The following FAM185A variants were observed in gnomAD, a reference collection of about 807,000 sequenced individuals.
FAM185A encodes protein FAM185A.
In FAM185A, 21 loss-of-function variants were observed where a neutral mutation model predicts 45.7. The ratio of observed to expected loss-of-function variants is 0.46; its 90% CI spans 0.33 to 0.66. The LOEUF (loss-of-function observed/expected upper bound fraction) is 0.66. FAM185A is among the 30% of genes least tolerant of loss of function. The probability of loss-of-function intolerance (pLI) is 0.03; values close to 1 mark genes in which losing one functional copy is unlikely to be tolerated. For missense variants in FAM185A, 305 were observed against 485.4 expected (o/e 0.63, Z 3.49); for synonymous variants, 117 against 194.0 (o/e 0.60, Z 3.30).
chr7:102,828,988 C>T, the FAM185A span, among the ~76,000 whole-genome samples: 3 of 152,170 alleles, frequency 2.0e-5, no homozygotes, highest in Non-Finnish European at 2.9e-5. Flanking sequence ...GGGGATGTAA[C>T]ATCCTGAGAC....
intron 7 of FAM185A, among the ~76,000 whole-genome samples, chr7:102,799,656 C>T (rs1408955063): frequency 1.3e-5 from 2 of 152,130 alleles, no homozygotes; most frequent in African/African-American, 2.4e-5. Flanking sequence ...TTGAACCAAA[C>T]GGAGGTCCAC....
chr7:102,825,271 C>T, the FAM185A span, among the ~76,000 whole-genome samples: 1 of 152,066 alleles, frequency 6.6e-6, no homozygotes, highest in African/African-American at 2.4e-5. Context: ...AAGAGGTAAT[C>T]GGGTCATGAA....
intron 4 of FAM185A, among the ~76,000 whole-genome samples, chr7:102,768,940 T>C (rs1485290516): frequency 6.6e-6 from 1 of 152,170 alleles, no homozygotes; most frequent in Non-Finnish European, 1.5e-5. Flanking sequence ...AATCAAAATA[T>C]AGAAAATTTT....
chr7:102,778,875 C>G (rs1795236065), intron 6 of FAM185A, among the ~76,000 whole-genome samples: 1 of 152,178 alleles, frequency 6.6e-6, no homozygotes, highest in South Asian at 2.1e-4. Flanking sequence ...CATCTGGAAT[C>G]CATTCCAACT....
chr7:102,824,593 C>A, the FAM185A span, among the ~76,000 whole-genome samples: 1 of 152,056 alleles, frequency 6.6e-6, no homozygotes, highest in Non-Finnish European at 1.5e-5. Context: ...TCAAACAATT[C>A]TCCCACCTCA....
chr7:102,846,766 C>A, the FAM185A span, among the ~76,000 whole-genome samples: 1 of 152,204 alleles, frequency 6.6e-6, no homozygotes, highest in Non-Finnish European at 1.5e-5. Flanking sequence ...ATGGACATGA[C>A]CAAAGTGCCT....
chr7:102,836,112 C>T, the FAM185A span, among the ~76,000 whole-genome samples: 4 of 152,216 alleles, frequency 2.6e-5, no homozygotes, highest in African/African-American at 9.7e-5. Flanking sequence ...ATGTCTTGGA[C>T]TGCTCGAATC....
chr7:102,759,542 C>T (rs1793985785), intron 3 of FAM185A, among the ~76,000 whole-genome samples: 1 of 151,908 alleles, frequency 6.6e-6, no homozygotes, highest in African/African-American at 2.4e-5. Flanking sequence ...TTTTAATACA[C>T]AACTTTCATA....
chr7:102,804,758 G>T (rs1797009137), intron 7 of FAM185A, among the ~76,000 whole-genome samples: 1 of 152,176 alleles, frequency 6.6e-6, no homozygotes, highest in African/African-American at 2.4e-5. Context: ...CCCACAGAGT[G>T]GGAGAAAATC....
chr7:102,779,960 C>G (rs1021176053), intron 6 of FAM185A: 2 of 146,296 alleles, frequency 1.4e-5, no homozygotes, highest in African/African-American at 5.0e-5. Flanking sequence ...ATCCACCTAC[C>G]TTGGCTTCCC....
the FAM185A span, among the ~76,000 whole-genome samples, chr7:102,820,189 G>A: frequency 6.6e-6 from 1 of 152,328 alleles, no homozygotes; most frequent in East Asian, 1.9e-4. Flanking sequence ...CAAGGGTGGA[G>A]CTTTCAGGGA....
chr7:102,825,488 C>A, the FAM185A span, among the ~76,000 whole-genome samples: 9 of 152,282 alleles, frequency 5.9e-5, no homozygotes, highest in South Asian at 1.9e-3. Flanking sequence ...GACTTCCCAG[C>A]CTCCAGAAAT....
chr7:102,769,573 G>A (rs1309950781), intron 4 of FAM185A, among the ~76,000 whole-genome samples: 1 of 151,348 alleles, frequency 6.6e-6, no homozygotes, highest in African/African-American at 2.4e-5. Context: ...TATTAATAAA[G>A]TTACGAATAT....
the FAM185A span, among the ~76,000 whole-genome samples, chr7:102,828,158 A>G: frequency 4.6e-5 from 7 of 152,152 alleles, no homozygotes; most frequent in African/African-American, 1.7e-4. Context: ...CATTGAATCT[A>G]TAAATTACCT....
chr7:102,822,887 T>C, the FAM185A span, among the ~76,000 whole-genome samples: 5 of 152,084 alleles, frequency 3.3e-5, no homozygotes, highest in Non-Finnish European at 7.4e-5. Flanking sequence ...CTGGGCCACA[T>C]GGTGAAACTC....
intron 3 of FAM185A, among the ~76,000 whole-genome samples, chr7:102,760,777 A>G (rs1794065834): frequency 6.6e-6 from 1 of 152,174 alleles, no homozygotes; most frequent in African/African-American, 2.4e-5. Context: ...GAAAAAAAGT[A>G]TTAATATAAG....
At chr7:102,769,410 T>A (rs551150617) in intron 4 of FAM185A, among the ~76,000 whole-genome samples, 1 of 152,204 alleles carries the variant, frequency 6.6e-6, no homozygotes, top group African/African-American at 2.4e-5. Context: ...AATGATTGGC[T>A]TTTTGAGAAA....
the FAM185A span, among the ~76,000 whole-genome samples, chr7:102,833,978 G>A: frequency 5.5e-5 from 8 of 146,444 alleles, no homozygotes; most frequent in Non-Finnish European, 8.9e-5. Context: ...AAACCTAACC[G>A]TAATTGTAAA....
chr7:102,806,620 C>T (rs1386594411), intron 7 of FAM185A, among the ~76,000 whole-genome samples: 1 of 152,070 alleles, frequency 6.6e-6, no homozygotes, highest in African/African-American at 2.4e-5. Flanking sequence ...TACAAGCGGT[C>T]CCTGTTCTGT....
Sources: gnomAD v4.1 joint callset for allele counts (sites outside exome capture counted in the v4.1 genomes callset) on GRCh38, gnomAD v4.1.1 for gene constraint, MANE v1.5 for transcripts, NCBI Gene and HGNC (gene_info 2026-07-23, HGNC 2026-07-21) for gene names.